Variants in SLC35F3 observed in about 807,000 individuals in gnomAD.
SLC35F3 encodes the protein solute carrier family 35 member F3.
Under a neutral mutation model 49.9 loss-of-function variants are expected in SLC35F3, and 25 were observed. The ratio of observed to expected loss-of-function variants is 0.50; its 90% CI spans 0.37 to 0.70. The LOEUF is 0.70. Ranked by LOEUF, SLC35F3 falls within the 30% of genes least tolerant of loss-of-function variation. The probability of loss-of-function intolerance (pLI) is 0.00; values close to 1 mark genes in which losing one functional copy is unlikely to be tolerated. For synonymous variants in SLC35F3, 275 were observed against 265.4 expected (o/e 1.04, Z -0.35); for missense variants, 525 against 639.8 (o/e 0.82, Z 1.94).
intron 2 of SLC35F3, among the ~76,000 whole-genome samples, chr1:233,994,892 A>G (rs1663433214): frequency 6.6e-6 from 1 of 152,154 alleles, no homozygotes; most frequent in Non-Finnish European, 1.5e-5. Context: ...TTGAAATTAC[A>G]TCATAACCTG....
At chr1:234,278,717 G>A (rs1163143558) in intron 3 of SLC35F3, among the ~76,000 whole-genome samples, 1 of 152,130 alleles carries the variant, frequency 6.6e-6, no homozygotes, top group Non-Finnish European at 1.5e-5. Context: ...TCCAGTGTCT[G>A]ATGAGGACCT....
chr1:234,039,775 G>A (rs1183413075), intron 2 of SLC35F3, among the ~76,000 whole-genome samples: 5 of 152,314 alleles, frequency 3.3e-5, no homozygotes, highest in South Asian at 4.1e-4. Flanking sequence ...CCAGCCGGCC[G>A]CTTTGCAGCT....
At chr1:234,000,451 T>C (rs572916730) in intron 2 of SLC35F3, among the ~76,000 whole-genome samples, 2 of 152,350 alleles carry the variant, frequency 1.3e-5, no homozygotes, top group Admixed American at 1.3e-4. Flanking sequence ...AATGTATGTA[T>C]TGGACATCTT....
At chr1:234,100,122 A>T (rs1446550192) in intron 2 of SLC35F3, among the ~76,000 whole-genome samples, 3 of 152,254 alleles carry the variant, frequency 2.0e-5, no homozygotes, top group Non-Finnish European at 4.4e-5. Flanking sequence ...CTTATTAAAC[A>T]TGACAGCTAA....
intron 2 of SLC35F3, among the ~76,000 whole-genome samples, chr1:234,039,055 T>G (rs1664183659): frequency 6.6e-6 from 1 of 152,206 alleles, no homozygotes; most frequent in Admixed American, 6.5e-5. Context: ...ATTATGAATT[T>G]TGGAGCCTAG....
chr1:234,041,026 T>A (rs936410), intron 2 of SLC35F3, among the ~76,000 whole-genome samples: 1 of 152,162 alleles, frequency 6.6e-6, no homozygotes, highest in African/African-American at 2.4e-5. Flanking sequence ...GAAACACATG[T>A]GCTATCTCTG....
chr1:233,908,437 A>G (rs1411132067), intron 2 of SLC35F3, among the ~76,000 whole-genome samples: 21 of 151,968 alleles, frequency 1.4e-4, no homozygotes, highest in Admixed American at 1.4e-3. Context: ...TAAATGAGGT[A>G]ATTGTGAACA....
chr1:233,992,010 T>C (rs1288835002), intron 2 of SLC35F3, among the ~76,000 whole-genome samples: 2 of 152,122 alleles, frequency 1.3e-5, no homozygotes, highest in East Asian at 3.9e-4. Context: ...TGATAAGAAA[T>C]GGGAACATTG....
intron 2 of SLC35F3, among the ~76,000 whole-genome samples, chr1:234,151,025 A>G (rs941769845): frequency 5.9e-5 from 9 of 152,216 alleles, no homozygotes; most frequent in Non-Finnish European, 1.2e-4. Context: ...GCTCAGGGCA[A>G]GAAGGACTGA....
At chr1:233,983,027 G>A (rs1663210701) in intron 2 of SLC35F3, among the ~76,000 whole-genome samples, 1 of 152,114 alleles carries the variant, frequency 6.6e-6, no homozygotes, top group Non-Finnish European at 1.5e-5. Context: ...AGGTAGGAGC[G>A]CAGTTCCTGT....
At chr1:234,092,376 G>A (rs1365182492) in intron 2 of SLC35F3, among the ~76,000 whole-genome samples, 2 of 152,120 alleles carry the variant, frequency 1.3e-5, no homozygotes, top group South Asian at 4.2e-4. Context: ...AGACCAGGCT[G>A]TTATAAAAGT....
At position 234,208,393 on chromosome 1, in the gene SLC35F3, G is replaced by A. The variant is rs140969707; in HGVS notation, c.284-23024G>A. 3.8e-3 allele frequency among the ~76,000 whole-genome samples: 584 copies of A among 152,288 alleles called. 5 individuals are homozygous for A. The highest frequency in any genetic ancestry group is 0.013 in the African/African-American group (555 of 41,560). ...AACAAGAGGCTATTTGTACAACCCA[G>A]GCTGGAATTCTGTACCAGGAAGAAG... On this transcript the variant is annotated intron_variant, in intron 2 of 7. Transcript: ENST00000366618.
chr1:234,117,474 C>A (rs12723435), intron 2 of SLC35F3, among the ~76,000 whole-genome samples: 20,958 of 151,948 alleles, frequency 0.14, 3,162 homozygotes, highest in East Asian at 0.81. Context: ...CCCTTGTAAT[C>A]CCAGCTACTT....
intron 2 of SLC35F3, among the ~76,000 whole-genome samples, chr1:234,067,403 C>T (rs1473851353): frequency 3.9e-5 from 6 of 152,134 alleles, no homozygotes; most frequent in African/African-American, 7.2e-5. Flanking sequence ...TATCAAACAC[C>T]GGTCCGTGGT....
At chr1:233,959,185 C>T (rs1176381283) in intron 2 of SLC35F3, among the ~76,000 whole-genome samples, 1 of 151,940 alleles carries the variant, frequency 6.6e-6, no homozygotes, top group Non-Finnish European at 1.5e-5. Flanking sequence ...CTAATTTATT[C>T]TCACGTATAA....
At chr1:234,178,217 G>T (rs1215358421) in intron 2 of SLC35F3, among the ~76,000 whole-genome samples, 1 of 151,940 alleles carries the variant, frequency 6.6e-6, no homozygotes, top group Non-Finnish European at 1.5e-5. Flanking sequence ...TACATACTTG[G>T]GCTATGTTGC....
chr1:234,158,399 T>C (rs963167714), intron 2 of SLC35F3, among the ~76,000 whole-genome samples: 8 of 152,180 alleles, frequency 5.3e-5, no homozygotes, highest in East Asian at 3.8e-4. Flanking sequence ...TCAATACTTA[T>C]AGTTTTGCTT....
intron 2 of SLC35F3, among the ~76,000 whole-genome samples, chr1:234,191,513 CA>C (rs1666728774): frequency 6.6e-6 from 1 of 151,904 alleles, no homozygotes; most frequent in South Asian, 2.1e-4. Context: ...CACAAATAGG[CA>C]ATCTAAGACC....
intron 2 of SLC35F3, among the ~76,000 whole-genome samples, chr1:234,183,365 A>G (rs971463120): frequency 7.0e-6 from 1 of 143,286 alleles, no homozygotes; most frequent in Non-Finnish European, 1.5e-5. Flanking sequence ...AATCATCTTT[A>G]TAAGTTTTTT....
Sources: gnomAD v4.1 joint callset for allele counts (sites outside exome capture counted in the v4.1 genomes callset) on GRCh38, gnomAD v4.1.1 for gene constraint, MANE v1.5 for transcripts, NCBI Gene and HGNC (gene_info 2026-07-23, HGNC 2026-07-21) for gene names.